CORO1B: variants seen among roughly 807,000 people sequenced by gnomAD.
The protein encoded by CORO1B is coronin-1B.
In CORO1B, 30 loss-of-function variants were observed where a neutral mutation model predicts 51.1. That is an observed-to-expected ratio of 0.59 (90% CI 0.44 to 0.80). CORO1B has a LOEUF of 0.80. CORO1B is among the 30% of genes least tolerant of loss of function. CORO1B has a pLI of 0.00. For synonymous variants in CORO1B, 310 were observed against 289.7 expected (o/e 1.07, Z -0.71); for missense variants, 648 against 700.4 (o/e 0.93, Z 0.84).
intron 10 of CORO1B, 43 bp downstream of exon 10, chr11:67,438,628 A>G: frequency 6.6e-6 from 10 of 1,515,218 alleles, no homozygotes; most frequent in Non-Finnish European, 8.8e-6. Flanking sequence ...GGCCAGGGCC[A>G]CACCTGGGGC....
At position 67,440,253 on chromosome 11, in the gene CORO1B, C is replaced by T. The variant is rs1565152976; in HGVS notation, c.872G>A (p.Ser291Asn). ...VVYVCGKGDS[S>N]IRYFEITEEP... ...CTCTGTGATCTCAAAGTACCGGATG[C>T]TGGAGTCACCCTGTGTGGGGAGGGG... Residue 291 changes from serine (S) to asparagine (N), a missense_variant, in exon 8 of 11, where the codon AGC becomes AAC. Coordinates refer to ENST00000341356, the MANE Select transcript of CORO1B (RefSeq NM_020441.3). 6.2e-7 allele frequency: 1 copy of T among 1,613,648 alleles called. No individual in the cohort carries two copies. Among genetic ancestry groups the T allele is most frequent in the South Asian group, 1.1e-5 (1 of 91,070 alleles).
At position 67,435,699 on chromosome 11, in the gene CORO1B, G is replaced by A. The variant is rs775362018; in HGVS notation, c.*2677C>T. ...GGAAGCAGAGGCACGGGGAGTGAGC[G>A]GCTGTGACAGGGATGGGACACCAAG... On this transcript the variant is annotated 3_prime_UTR_variant, in exon 11 of 11. Transcript: ENST00000341356. 1.3e-5 allele frequency: 20 copies of A among 1,498,174 alleles called. No individual in the cohort carries two copies. The highest frequency in any genetic ancestry group is 4.0e-5 in the South Asian group (3 of 75,084). 92.8% of individuals were successfully genotyped at this position (1,498,174 alleles called of 1,614,324 possible).
Position 67,438,141 on chromosome 11 carries a change from GGGAGATGGTCCCTCAGAGGTCGA to G in CORO1B, c.*212_*234del. Reference sequence around the variant, plus strand: ...GGAGCAGAGGGCTGGGCAGTGGTCGGGGAGATGGTCCCTCAGAGGTCGAGGAGCTCGCCTGGGCGTAGACATCC... The same window carrying G: ...GGAGCAGAGGGCTGGGCAGTGGTCGGGGAGCTCGCCTGGGCGTAGACATCC... On this transcript the variant is annotated 3_prime_UTR_variant, in exon 11 of 11. Transcript: ENST00000341356. 1 of 469,040 alleles carries G rather than the reference GGGAGATGGTCCCTCAGAGGTCGA, an allele frequency of 2.1e-6. No homozygotes were observed. Among genetic ancestry groups the G allele is most frequent in the Non-Finnish European group, 3.7e-6 (1 of 268,188 alleles). The allele number at this position is 469,040 out of a possible 1,614,324, so 29.1% of individuals were successfully genotyped here.
intron 1 of CORO1B, among the ~76,000 whole-genome samples, chr11:67,443,198 C>A (rs1864431234): frequency 6.6e-6 from 1 of 152,164 alleles, no homozygotes; most frequent in Non-Finnish European, 1.5e-5. Flanking sequence ...GAATCGGGGT[C>A]CAGGGTGAAC....
upstream of CORO1B, chr11:67,443,653 G>T: frequency 1.1e-6 from 1 of 881,840 alleles, no homozygotes; most frequent in Non-Finnish European, 1.4e-6. Flanking sequence ...AGGACCCGGT[G>T]GAGCGCCCCC....
chr11:67,439,046 A>G (rs1864347494), intron 9 of CORO1B, 97 bp from the exon 10 acceptor site: 15 of 1,346,296 alleles, frequency 1.1e-5, no homozygotes, highest in Non-Finnish European at 1.5e-5. Flanking sequence ...CTGTTAACCC[A>G]TTCTCCCACG....
At position 67,435,567 on chromosome 11, in the gene CORO1B, C is replaced by T; in HGVS notation, c.*2809G>A. 1 of 1,047,204 alleles carries T rather than the reference C, an allele frequency of 9.5e-7. No individual in the cohort carries two copies. Among genetic ancestry groups the T allele is most frequent in the Non-Finnish European group, 1.3e-6 (1 of 753,908 alleles). 64.9% of individuals were successfully genotyped at this position (1,047,204 alleles called of 1,614,324 possible). On this transcript the variant is annotated 3_prime_UTR_variant, in exon 11 of 11. Coordinates refer to ENST00000341356, the MANE Select transcript of CORO1B (RefSeq NM_020441.3). ...GCCTGATGCCTGTGGTTGGGGGGGGCCGTTCCCGTGGTGAGCGGGGTACAC... is the reference window on the plus strand; with the variant it reads ...GCCTGATGCCTGTGGTTGGGGGGGGTCGTTCCCGTGGTGAGCGGGGTACAC...
upstream of CORO1B, chr11:67,443,483 G>A (rs1864437225): frequency 2.0e-6 from 2 of 985,970 alleles, no homozygotes; most frequent in South Asian, 4.7e-5. Context: ...GCAGGAAGCA[G>A]GATTCAGGAA....
intron 1 of CORO1B, among the ~76,000 whole-genome samples, 157 bp from the exon 2 acceptor site, chr11:67,442,787 G>A (rs1864424632): frequency 6.6e-6 from 1 of 152,190 alleles, no homozygotes; most frequent in East Asian, 1.9e-4. Flanking sequence ...GGTCACAGGT[G>A]CAGAGCCTGG....
At chr11:67,439,405 C>T (rs1002413848) in intron 9 of CORO1B, among the ~76,000 whole-genome samples, 4 of 152,242 alleles carry the variant, frequency 2.6e-5, no homozygotes, top group Non-Finnish European at 4.4e-5. Flanking sequence ...CAGCCAGACT[C>T]CTTGTTCCTC....
rs1385912902 is a variant in CORO1B at position 67,436,008 on chromosome 11, C to T, written c.*2368G>A. ...TGCAGGCCACCATCCGCGACGTGGT[C>T]ATAGTCTGTGTCCTGCTCATCCTCC... On this transcript the variant is annotated 3_prime_UTR_variant, in exon 11 of 11. Coordinates refer to ENST00000341356, the MANE Select transcript of CORO1B (RefSeq NM_020441.3). 3 of 1,613,632 alleles carry T rather than the reference C, an allele frequency of 1.9e-6. No individual in the cohort carries two copies. Among genetic ancestry groups the T allele is most frequent in the South Asian group, 1.1e-5 (1 of 91,078 alleles).
intron 2 of CORO1B, 146 bp downstream of exon 2, chr11:67,442,282 G>T: frequency 2.5e-6 from 3 of 1,222,934 alleles, no homozygotes; most frequent in South Asian, 1.4e-5. Flanking sequence ...CTTTCCATCT[G>T]TGCTAACACT....
intron 2 of CORO1B, 120 bp downstream of exon 2, chr11:67,442,308 G>T: frequency 1.6e-6 from 2 of 1,263,952 alleles, no homozygotes; most frequent in South Asian, 1.4e-5. Flanking sequence ...CGATAAATCT[G>T]GGTTATAACA....
In CORO1B at chr11:67,440,158, G is replaced by C; in HGVS notation, c.967C>G (p.Pro323Ala). 6.2e-7 allele frequency: 1 copy of C among 1,613,620 alleles called. No homozygotes were observed. The highest frequency in any genetic ancestry group is 8.5e-7 in the Non-Finnish European group (1 of 1,179,926). Residue 323 changes from proline (P) to alanine (A), a missense_variant, in exon 8 of 11, where the codon CCC (proline) becomes GCC (alanine). Transcript: ENST00000341356. ...TTGCTGACCTCCAGGCCCCGCTTGGGCATGCTGCCCATACCCCGCTGCGGC... is the reference window on the plus strand; with the variant it reads ...TTGCTGACCTCCAGGCCCCGCTTGGCCATGCTGCCCATACCCCGCTGCGGC... Reference protein sequence around the residue: ...KEPQRGMGSMPKRGLEVSKCE... With the variant: ...KEPQRGMGSMAKRGLEVSKCE...
intron 9 of CORO1B, 107 bp downstream of exon 9, chr11:67,439,679 C>T: frequency 1.6e-6 from 2 of 1,224,922 alleles, no homozygotes; most frequent in East Asian, 5.1e-5. Context: ...TCACTGCCCA[C>T]AAACCATACT....
At position 67,436,168 on chromosome 11, in the gene CORO1B, C is replaced by T. The variant is rs750290519; in HGVS notation, c.*2208G>A. 9.0e-6 allele frequency: 14 copies of T among 1,562,650 alleles called. No individual in the cohort carries two copies. The Admixed American group carries it at 2.7e-4, about 30-fold the overall frequency. ...CTAGGCGGGCCGGGTGGTAGTAGCC[C>T]CCTGAGTCACGGCTGAGGCGGCGCC... On this transcript the variant is annotated 3_prime_UTR_variant, in exon 11 of 11. Coordinates refer to ENST00000341356, the MANE Select transcript of CORO1B (RefSeq NM_020441.3).
intron 10 of CORO1B, 26 bp downstream of exon 10, chr11:67,438,645 C>A: frequency 6.6e-7 from 1 of 1,517,148 alleles, no homozygotes; most frequent in East Asian, 2.4e-5. Flanking sequence ...GGGCTCCCAG[C>A]ACCACCCCTG....
chr11:67,443,768 C>A, upstream of CORO1B: 2 of 985,296 alleles, frequency 2.0e-6, no homozygotes, highest in Non-Finnish European at 2.4e-6. Context: ...ACCCGAGGCC[C>A]CTTCGCGTTC....
rs1864284510 is a variant in CORO1B, at chr11:67,436,524, T to TC, written c.*1851dup. 1.5e-6 allele frequency: 1 copy of TC among 683,730 alleles called. No homozygotes were observed. The highest frequency in any genetic ancestry group is 1.9e-5 in the African/African-American group (1 of 53,374). 42.4% of individuals were successfully genotyped at this position (683,730 alleles called of 1,614,324 possible). A position where few individuals can be genotyped will look rare whatever the true frequency, so the allele number is the denominator to read the frequency against. Reference sequence around the variant, plus strand: ...TCAACCAGGCTCTGGCCCTGTGAGATCAGCCCCCATCCCTCCAGCCTCCTC... The same window carrying TC: ...TCAACCAGGCTCTGGCCCTGTGAGATCCAGCCCCCATCCCTCCAGCCTCCTC... On this transcript the variant is annotated 3_prime_UTR_variant, in exon 11 of 11. Transcript: ENST00000341356.
Sources: allele counts gnomAD v4.1 joint callset (sites outside exome capture counted in the v4.1 genomes callset), GRCh38; gene constraint gnomAD v4.1.1; transcripts MANE v1.5; gene names NCBI Gene and HGNC (gene_info 2026-07-23, HGNC 2026-07-21).